TMEM108: variants seen among roughly 807,000 people sequenced by gnomAD.
The protein encoded by TMEM108 is cancer/testis antigen 124.
Under a neutral mutation model 35.1 loss-of-function variants are expected in TMEM108, and 12 were observed. That is an observed-to-expected ratio of 0.34 (90% CI 0.22 to 0.55). The LOEUF (loss-of-function observed/expected upper bound fraction) is 0.55. Among genes scored for constraint, TMEM108 ranks in the 20% least tolerant of loss-of-function variants. TMEM108 has a pLI of 0.89. For synonymous variants in TMEM108, 287 were observed against 308.6 expected, an observed-to-expected ratio of 0.93 and a Z score of 0.73; for missense variants, 680 against 753.3, an observed-to-expected ratio of 0.90 and a Z score of 1.14.
intron 2 of TMEM108, among the ~76,000 whole-genome samples, chr3:133,206,471 G>T (rs1248750349): frequency 1.3e-5 from 2 of 152,158 alleles, no homozygotes; most frequent in African/African-American, 4.8e-5. Flanking sequence ...TGGTACCTAT[G>T]GATGGGATTG....
intron 2 of TMEM108, among the ~76,000 whole-genome samples, chr3:133,166,065 G>T (rs1160392856): frequency 6.6e-6 from 1 of 152,192 alleles, no homozygotes; most frequent in Non-Finnish European, 1.5e-5. Flanking sequence ...ATAGAACAGG[G>T]GTTCAGTTAG....
At chr3:133,081,091 A>G (rs1943804312) in intron 2 of TMEM108, among the ~76,000 whole-genome samples, 1 of 152,218 alleles carries the variant, frequency 6.6e-6, no homozygotes, top group African/African-American at 2.4e-5. Context: ...TCCATAGCAC[A>G]GTGTCGTCAC....
chr3:133,073,510 C>CTCTATATATA, intron 2 of TMEM108, among the ~76,000 whole-genome samples: 10 of 43,906 alleles, frequency 2.3e-4, no homozygotes, highest in African/African-American at 5.9e-4. Context: ...CTCTCTCTCT[C>CTCTATATATA]TATATATATA....
At chr3:133,325,137 G>A (rs11926108) in intron 3 of TMEM108, among the ~76,000 whole-genome samples, 53,969 of 151,934 alleles carry the variant, frequency 0.36, 9,716 homozygotes, top group East Asian at 0.48. Context: ...ACACCATGGA[G>A]AGCTACTCAG....
At chr3:133,208,488 T>C (rs1414654020) in intron 2 of TMEM108, among the ~76,000 whole-genome samples, 1 of 152,194 alleles carries the variant, frequency 6.6e-6, no homozygotes, top group Non-Finnish European at 1.5e-5. Context: ...TGTAGCTGGC[T>C]GGGGCTTCCA....
chr3:133,084,482 G>C (rs891332187), intron 2 of TMEM108, among the ~76,000 whole-genome samples: 1 of 151,664 alleles, frequency 6.6e-6, no homozygotes, highest in Non-Finnish European at 1.5e-5. Context: ...TCTATCTAAA[G>C]ATAGTTCATA....
At chr3:133,262,537 A>G (rs1436771933) in intron 3 of TMEM108, among the ~76,000 whole-genome samples, 3 of 152,252 alleles carry the variant, frequency 2.0e-5, no homozygotes. Context: ...GGAGAGACAT[A>G]GCAGTGAGCT....
At chr3:133,161,895 G>A (rs959835577) in intron 2 of TMEM108, among the ~76,000 whole-genome samples, 3 of 152,196 alleles carry the variant, frequency 2.0e-5, no homozygotes, top group African/African-American at 7.2e-5. Context: ...TTCAGGTGCT[G>A]TTGTTACCTC....
chr3:133,249,262 A>G (rs1221474228), intron 3 of TMEM108, among the ~76,000 whole-genome samples: 2 of 152,244 alleles, frequency 1.3e-5, no homozygotes, highest in Non-Finnish European at 2.9e-5. Context: ...GAGGGTGAAA[A>G]GAAACTGAGG....
chr3:133,291,367 A>G (rs1045609703), intron 3 of TMEM108, among the ~76,000 whole-genome samples: 1 of 151,878 alleles, frequency 6.6e-6, no homozygotes, highest in African/African-American at 2.4e-5. Context: ...TGCAGCCTCA[A>G]CCTCCCAGGC....
At chr3:133,295,660 A>G (rs115528356) in intron 3 of TMEM108, among the ~76,000 whole-genome samples, 167 of 152,296 alleles carry the variant, frequency 1.1e-3, no homozygotes, top group African/African-American at 3.7e-3. Flanking sequence ...TCCAGTCCAG[A>G]TTCTTCCTGA....
In TMEM108 at chr3:133,044,781, C is replaced by T. The variant is rs115147192; in HGVS notation, c.-165-1121C>T. 1.8e-3 allele frequency among the ~76,000 whole-genome samples: 272 copies of T among 152,258 alleles called. 1 individual carries two copies. The highest frequency in any genetic ancestry group is 6.0e-3 in the African/African-American group (248 of 41,552). On this transcript the variant is annotated intron_variant, in intron 1 of 5. Transcript: ENST00000321871. ...CCACCCTGGATAACATAGTGAGACTCCATCACTATATACATTTAAGAAAAA... is the reference window on the plus strand; with the variant it reads ...CCACCCTGGATAACATAGTGAGACTTCATCACTATATACATTTAAGAAAAA...
intron 2 of TMEM108, among the ~76,000 whole-genome samples, chr3:133,183,764 C>G (rs1945381388): frequency 6.6e-6 from 1 of 152,118 alleles, no homozygotes; most frequent in Admixed American, 6.5e-5. Flanking sequence ...TGAAGCAGCT[C>G]AGTTTCCATA....
At chr3:133,067,620 A>G (rs887380364) in intron 2 of TMEM108, among the ~76,000 whole-genome samples, 2 of 152,224 alleles carry the variant, frequency 1.3e-5, no homozygotes, top group African/African-American at 4.8e-5. Flanking sequence ...AAGTTGAATA[A>G]TTCATTGACA....
chr3:133,357,507 C>G (rs1395223354), intron 3 of TMEM108, among the ~76,000 whole-genome samples: 1 of 152,122 alleles, frequency 6.6e-6, no homozygotes, highest in African/African-American at 2.4e-5. Context: ...TTCACAATTA[C>G]AGAGATATGA....
intron 3 of TMEM108, among the ~76,000 whole-genome samples, chr3:133,265,073 A>C (rs1173372447): frequency 6.6e-6 from 1 of 152,216 alleles, no homozygotes; most frequent in East Asian, 1.9e-4. Flanking sequence ...TGACCAAGAT[A>C]CTGAAATGCT....
chr3:133,315,477 C>T (rs1441076731), intron 3 of TMEM108, among the ~76,000 whole-genome samples: 1 of 152,196 alleles, frequency 6.6e-6, no homozygotes, highest in Non-Finnish European at 1.5e-5. Context: ...ATGCTTGGCC[C>T]CTCACCCCAG....
intron 3 of TMEM108, among the ~76,000 whole-genome samples, chr3:133,342,763 G>C (rs2071704190): frequency 6.6e-6 from 1 of 150,624 alleles, no homozygotes; most frequent in Non-Finnish European, 1.5e-5. Flanking sequence ...GAGAAGGGTG[G>C]AAGTAGGGAG....
At position 133,153,806 on chromosome 3, in the gene TMEM108, A is replaced by G. The variant is rs1007158644; in HGVS notation, c.-46-75460A>G. Among the ~76,000 whole-genome samples the G allele has an allele frequency of 3.9e-4, 59 of 152,132 alleles. 1 individual carries two copies. The highest frequency in any genetic ancestry group is 3.5e-3 in the Admixed American group (54 of 15,244). The stretch of plus-strand genomic sequence containing the variant: ...GCAAACCGAAGTCTGCAAATGGGCA[A>G]TGGTTGTATATAGTAAGAATGATGT... On this transcript the variant is annotated intron_variant, in intron 2 of 5. Coordinates refer to ENST00000321871, the MANE Select transcript of TMEM108 (RefSeq NM_023943.4).
Sources: allele counts gnomAD v4.1 joint callset (sites outside exome capture counted in the v4.1 genomes callset), GRCh38; gene constraint gnomAD v4.1.1; transcripts MANE v1.5; gene names NCBI Gene and HGNC (gene_info 2026-07-23, HGNC 2026-07-21).